The following DHX57 variants were observed in gnomAD, a reference collection of about 807,000 sequenced individuals.
DHX57 encodes the protein putative ATP-dependent RNA helicase DHX57.
A neutral mutation model predicts 156.2 loss-of-function variants in DHX57; 105 were observed. The ratio of observed to expected loss-of-function variants is 0.67; its 90% CI spans 0.57 to 0.79. The LOEUF is 0.79. Ranked by LOEUF, DHX57 falls within the 30% of genes least tolerant of loss-of-function variation. The pLI is 0.00. For synonymous variants in DHX57, 704 were observed against 595.6 expected (o/e 1.18, Z -2.65); for missense variants, 1,847 against 1,661.9 (o/e 1.11, Z -1.94).
chr2:38,863,130 T>A (rs1456689895), intron 3 of DHX57: 1 of 463,022 alleles, frequency 2.2e-6, no homozygotes, highest in Non-Finnish European at 3.8e-6. Flanking sequence ...ATATGAGCAC[T>A]GCCCTGGAAA....
chr2:38,857,670 G>A (rs1321033446), intron 6 of DHX57, among the ~76,000 whole-genome samples: 1 of 152,170 alleles, frequency 6.6e-6, no homozygotes, highest in Non-Finnish European at 1.5e-5. Context: ...TAAGCAACTT[G>A]CCTCTGTCCT....
Position 38,825,971 on chromosome 2 carries a change from G to A in DHX57, c.2890C>T (p.Arg964Ter), listed in dbSNP as rs199895785. The A allele has an allele frequency of 2.7e-5, 44 of 1,614,060 alleles. No homozygotes were observed. The highest frequency in any genetic ancestry group is 6.8e-6 in the Non-Finnish European group (8 of 1,180,040). ...SQANALQRKG[R>*]AGRVASGVCF... is the part of the protein sequence containing the mutation. ...ACCCCAGATGCAACACGGCCTGCTCGGCCTTTCCTTTGTAGAGCATTAGCT... is the reference window on the plus strand; with the variant it reads ...ACCCCAGATGCAACACGGCCTGCTCAGCCTTTCCTTTGTAGAGCATTAGCT... The change falls in exon 16 of 24, where the codon CGA (arginine) becomes TGA (stop). Residue 964 changes from arginine (R) to a stop codon, truncating the protein, a stop_gained. Transcript: ENST00000457308. LOFTEE classifies it high-confidence loss of function.
intron 21 of DHX57, among the ~76,000 whole-genome samples, chr2:38,809,455 T>TG (rs1380580490): frequency 1.2e-4 from 15 of 130,258 alleles, no homozygotes; most frequent in South Asian, 1.1e-3. Flanking sequence ...TATTTCTTTC[T>TG]GTTTTTTTTT....
intron 2 of DHX57, among the ~76,000 whole-genome samples, chr2:38,864,203 G>T (rs923273019): frequency 2.7e-5 from 4 of 148,572 alleles, no homozygotes; most frequent in Admixed American, 1.3e-4. Context: ...GAATATTAAG[G>T]CCCCATTTCT....
At chr2:38,846,384 G>T (rs919851708) in intron 11 of DHX57, among the ~76,000 whole-genome samples, 12 of 152,068 alleles carry the variant, frequency 7.9e-5, no homozygotes, top group Admixed American at 5.2e-4. Flanking sequence ...CACTTCGGGA[G>T]GCAAGGCAGG....
At chr2:38,800,185 CAAA>C (rs55726914) in intron 23 of DHX57, among the ~76,000 whole-genome samples, 23 of 93,458 alleles carry the variant, frequency 2.5e-4, no homozygotes, top group Admixed American at 4.7e-4. Context: ...AACTCCATCT[CAAA>C]AAAAAAAAAA....
intron 9 of DHX57, among the ~76,000 whole-genome samples, chr2:38,850,012 G>A (rs1299437603): frequency 6.6e-6 from 1 of 152,022 alleles, no homozygotes; most frequent in Non-Finnish European, 1.5e-5. Flanking sequence ...CACTAGAATA[G>A]AAGTTCTACA....
At chr2:38,849,398 T>C (rs576282181) in intron 9 of DHX57, among the ~76,000 whole-genome samples, 3 of 152,290 alleles carry the variant, frequency 2.0e-5, no homozygotes, top group Non-Finnish European at 2.9e-5. Flanking sequence ...AGCCAACCAA[T>C]AATGCTCTTC....
rs1670921060 is a variant in DHX57, at chr2:38,823,250, A to T, written c.3034T>A (p.Phe1012Ile). 2 of 1,612,424 alleles carry T rather than the reference A, an allele frequency of 1.2e-6. No homozygotes were observed. Among genetic ancestry groups the T allele is most frequent in the Non-Finnish European group, 1.7e-6 (2 of 1,178,800 alleles). ...ACAGACTGGAGATTATGAGCACTAA[A>T]CATCTCTAAAATTTTAATTCTGAAA... ...LCLRIKILEM[F>I]SAHNLQSVFS... The change falls in exon 17 of 24, where the codon TTT (phenylalanine) becomes ATT (isoleucine). Residue 1012 changes from phenylalanine to isoleucine, a missense_variant. Coordinates refer to ENST00000457308, the MANE Select transcript of DHX57 (RefSeq NM_198963.3).
chr2:38,843,493 G>C (rs908725693), intron 11 of DHX57, among the ~76,000 whole-genome samples: 4 of 152,154 alleles, frequency 2.6e-5, no homozygotes, highest in African/African-American at 4.8e-5. Flanking sequence ...TATAGCCTTA[G>C]TAACACCCCT....
At chr2:38,859,427 TG>T (rs1673069149) in intron 5 of DHX57, among the ~76,000 whole-genome samples, 2 of 152,140 alleles carry the variant, frequency 1.3e-5, no homozygotes, top group African/African-American at 4.8e-5. Context: ...GGGTTTCTTT[TG>T]GGGTTGATGA....
At chr2:38,856,229 T>C (rs1672886000) in intron 7 of DHX57, 111 bp downstream of exon 7, 2 of 1,449,370 alleles carry the variant, frequency 1.4e-6, no homozygotes, top group African/African-American at 1.4e-5. Flanking sequence ...CAGATGTATA[T>C]AATATCTATA....
chr2:38,843,663 C>G (rs1418071275), intron 11 of DHX57, among the ~76,000 whole-genome samples: 1 of 152,176 alleles, frequency 6.6e-6, no homozygotes, highest in Non-Finnish European at 1.5e-5. Context: ...TTTCAAAACT[C>G]TTACAACTGG....
intron 7 of DHX57, 46 bp from the exon 8 acceptor site, chr2:38,855,298 T>C: frequency 1.3e-6 from 2 of 1,570,502 alleles, no homozygotes; most frequent in Non-Finnish European, 1.8e-6. Flanking sequence ...TTTCAAGGGC[T>C]AGTTAACTAA....
At chr2:38,828,959 GA>G (rs1426981812) in intron 13 of DHX57, among the ~76,000 whole-genome samples, 1 of 151,828 alleles carries the variant, frequency 6.6e-6, no homozygotes, top group Non-Finnish European at 1.5e-5. Flanking sequence ...TTTATTTTTT[GA>G]GACAAGGCCT....
In DHX57 at chr2:38,815,352, A is replaced by G. The variant is rs529961377; in HGVS notation, c.3606+169T>C. Among the ~76,000 whole-genome samples, 35 of 152,336 alleles carry G rather than the reference A, an allele frequency of 2.3e-4. 1 individual carries two copies. Among genetic ancestry groups the G allele is most frequent in the African/African-American group, 7.2e-4 (30 of 41,586 alleles). ...AGTGTTGGGATTATAGGCACGAGCC[A>G]CCGTGCCAGATCAGCTGATATTTAT... On this transcript the variant is annotated intron_variant, in intron 20 of 23. Transcript: ENST00000457308.
At chr2:38,819,950 TCAC>T (rs1240983248) in intron 17 of DHX57, among the ~76,000 whole-genome samples, 3 of 152,220 alleles carry the variant, frequency 2.0e-5, no homozygotes, top group Non-Finnish European at 4.4e-5. Flanking sequence ...AAGTTAATTT[TCAC>T]CACTTTACAC....
chr2:38,859,248 C>T (rs1047946544), intron 5 of DHX57, among the ~76,000 whole-genome samples: 6 of 152,160 alleles, frequency 3.9e-5, no homozygotes, highest in Non-Finnish European at 8.8e-5. Flanking sequence ...ACCTTGAACA[C>T]ATTAGCTAAG....
chr2:38,814,119 G>C (rs1225938547), intron 20 of DHX57, among the ~76,000 whole-genome samples: 1 of 152,008 alleles, frequency 6.6e-6, no homozygotes, highest in Non-Finnish European at 1.5e-5. Flanking sequence ...TGTATTTTTA[G>C]TAGAGACAAG....
Sources: gnomAD v4.1 joint callset for allele counts (sites outside exome capture counted in the v4.1 genomes callset) on GRCh38, gnomAD v4.1.1 for gene constraint, MANE v1.5 for transcripts, NCBI Gene and HGNC (gene_info 2026-07-23, HGNC 2026-07-21) for gene names.